The following ERN2 variants were observed in gnomAD, a reference collection of about 807,000 sequenced individuals.
ERN2 encodes serine/threonine-protein kinase/endoribonuclease IRE2.
A neutral mutation model predicts 107.9 loss-of-function variants in ERN2; 111 were observed. The observed-to-expected ratio is 1.03, with a 90% CI of 0.88 to 1.20. ERN2 has a LOEUF of 1.20. ERN2 is among the 50% of genes most tolerant of loss of function. The pLI, the probability that ERN2 is intolerant of heterozygous loss-of-function variation, is 0.00. For synonymous variants in ERN2, 524 were observed against 501.7 expected, an observed-to-expected ratio of 1.04 and a Z score of -0.59; for missense variants, 1,225 against 1,197.9, an observed-to-expected ratio of 1.02 and a Z score of -0.33.
chr16:23,709,935 G>A, intron 4 of ERN2: 3 of 492,626 alleles, frequency 6.1e-6, no homozygotes, highest in Non-Finnish European at 1.1e-5. Flanking sequence ...CAGAGTCCTG[G>A]AGAAGGCCCT....
In ERN2 at chr16:23,710,424, T is replaced by C. The variant is rs987376145; in HGVS notation, c.233+92A>G. 59 of 1,391,540 alleles carry C rather than the reference T, an allele frequency of 4.2e-5. No homozygotes were observed. In the African/African-American group the frequency reaches 8.1e-4, roughly 19 times the overall value. The allele number at this position is 1,391,540 out of a possible 1,614,324, so 86.2% of individuals were successfully genotyped here. A position where few individuals can be genotyped will look rare whatever the true frequency, so the allele number is the denominator to read the frequency against. ...CAATTCTCTTCCCTTACTTCCAACA[T>C]GTCCCTGCCCCACATACAAACTCTC... On this transcript the variant is annotated intron_variant, in intron 3 of 21. Transcript: ENST00000256797.
Position 23,706,389 on chromosome 16 carries a change from C to A in ERN2, c.530G>T (p.Arg177Leu). ...TMHDPRAPAL[R>L]WNTTYRRYSA... is the part of the protein sequence containing the mutation. The stretch of plus-strand genomic sequence containing the variant: ...GTAGCGGCGGTAGGTGGTGTTCCAG[C>A]GCAGGGCTGGGGCTCTTGGGTCATG... The change falls in exon 7 of 22, where the codon CGC becomes CTC. Residue 177 changes from arginine to leucine, a missense_variant. Transcript: ENST00000256797. 3.8e-6 allele frequency: 6 copies of A among 1,573,998 alleles called. No individual in the cohort carries two copies. Among genetic ancestry groups the A allele is most frequent in the Non-Finnish European group, 3.4e-6 (4 of 1,159,746 alleles).
At chr16:23,694,169 G>T (rs1959708690) in intron 17 of ERN2, among the ~76,000 whole-genome samples, 1 of 152,094 alleles carries the variant, frequency 6.6e-6, no homozygotes, top group Non-Finnish European at 1.5e-5. Flanking sequence ...TAAATTGTGT[G>T]TGCTTTTGGT....
rs1282617180 is a variant in ERN2, at chr16:23,692,069, A to G, written c.2270T>C (p.Leu757Pro). ...CAGTGGGCTCAACATGGCTCCAACC[A>G]GGTCCCGGGCAACCACCTTGTCTGG... The part of the protein sequence containing the change: ...EVHDKVVARD[L>P]VGAMLSPLPQ... The change falls in exon 19 of 22, where the codon CTG becomes CCG. Residue 757 changes from leucine to proline, a missense_variant. Leu to Pro is a moderately conservative substitution (Grantham distance 98). Coordinates refer to ENST00000256797, the MANE Select transcript of ERN2 (RefSeq NM_033266.4). The G allele has an allele frequency of 1.9e-6, 3 of 1,613,686 alleles. No individual in the cohort carries two copies. Among genetic ancestry groups the G allele is most frequent in the South Asian group, 2.2e-5 (2 of 91,088 alleles).
rs1192170237 is a variant in ERN2 at position 23,706,334 on chromosome 16, C to T, written c.585G>A (p.Gly195=). 4 of 1,527,066 alleles carry T rather than the reference C, an allele frequency of 2.6e-6. No individual in the cohort carries two copies. Among genetic ancestry groups the T allele is most frequent in the African/African-American group, 1.4e-5 (1 of 71,844 alleles). The allele number at this position is 1,527,066 out of a possible 1,614,324, so 94.6% of individuals were successfully genotyped here. A position where few individuals can be genotyped will look rare whatever the true frequency, so the allele number is the denominator to read the frequency against. Residue 195 remains glycine (G), a synonymous_variant, in exon 7 of 22, where the codon GGG becomes GGA. Coordinates refer to ENST00000256797, the MANE Select transcript of ERN2 (RefSeq NM_033266.4). ...CCAGAGAAAGGTGGAACTCACATTT[C>T]CCAGGTGAGCCATCCATGGGGGGCG... is the stretch of plus-strand genomic sequence containing the variant. ...YSAPPMDGSP[G]KYMSHLASCG... is the part of the protein sequence containing the mutation.
intron 8 of ERN2, 72 bp downstream of exon 8, chr16:23,704,811 G>T (rs1364409278): frequency 1.3e-6 from 2 of 1,503,494 alleles, no homozygotes; most frequent in South Asian, 1.2e-5. Flanking sequence ...TGAACATCTC[G>T]CCTGGCCATC....
intron 13 of ERN2, 76 bp from the exon 14 acceptor site, chr16:23,696,054 T>C (rs1176193253): frequency 8.8e-7 from 1 of 1,132,142 alleles, no homozygotes; most frequent in Non-Finnish European, 1.3e-6. Flanking sequence ...CAGACTCACC[T>C]TGACATTTTC....
In ERN2 at chr16:23,713,162, C is replaced by T; in HGVS notation, c.26G>A (p.Arg9Lys). The part of the protein sequence containing the change: MASAVRGS[R>K]PWPRLGLQLQ... ...CTGGAGCCCCAGCCGGGGCCACGGC[C>T]TCGACCCCCTGACCGCACTCGCCAT... is the stretch of plus-strand genomic sequence containing the variant. The change falls in exon 1 of 22, where the codon AGG (arginine) becomes AAG (lysine). Residue 9 changes from arginine to lysine, a missense_variant. Coordinates refer to ENST00000256797, the MANE Select transcript of ERN2 (RefSeq NM_033266.4). The T allele has an allele frequency of 6.4e-7, 1 of 1,574,504 alleles. No individual in the cohort carries two copies. Among genetic ancestry groups the T allele is most frequent in the Non-Finnish European group, 8.6e-7 (1 of 1,166,240 alleles).
At position 23,692,256 on chromosome 16, in the gene ERN2, C is replaced by T. The variant is rs1959629011; in HGVS notation, c.2176G>A (p.Asp726Asn). 18 of 1,614,078 alleles carry T rather than the reference C, an allele frequency of 1.1e-5. No individual in the cohort carries two copies. Among genetic ancestry groups the T allele is most frequent in the Non-Finnish European group, 1.5e-5 (18 of 1,180,038 alleles). ...ATGTTTGCCTGGCGATAAAGACTGT[C>T]TCCAAAGGGGTGGCTGCCACCAGAA... ...VLSGGSHPFG[D>N]SLYRQANILT... is the part of the protein sequence containing the mutation. The change falls in exon 18 of 22, where the codon GAC (aspartate) becomes AAC (asparagine). Residue 726 changes from aspartate to asparagine, a missense_variant. Physicochemically the swap from Asp to Asn is conservative, Grantham distance 23. Coordinates refer to ENST00000256797, the MANE Select transcript of ERN2 (RefSeq NM_033266.4).
intron 4 of ERN2, chr16:23,709,800 T>C (rs896582082): frequency 3.5e-5 from 7 of 199,502 alleles, no homozygotes; most frequent in African/African-American, 1.4e-4. Flanking sequence ...CCAACCTAAA[T>C]TGTCATCTCA....
intron 1 of ERN2, chr16:23,712,391 G>C: frequency 5.6e-6 from 1 of 179,714 alleles, no homozygotes; most frequent in South Asian, 8.7e-5. Flanking sequence ...AGAGACATCC[G>C]ATCTGGCCAC....
rs1040256521 is a variant in ERN2 at position 23,695,078 on chromosome 16, G to T, written c.1841C>A (p.Pro614His). The T allele has an allele frequency of 6.2e-7, 1 of 1,613,754 alleles. No homozygotes were observed. The highest frequency in any genetic ancestry group is 1.3e-5 in the African/African-American group (1 of 74,858). ...CATCAGCTGCTGCAGCACGACCTCG[G>T]GCTCCAGACCCCCGCGATCCAGGTC... is the stretch of plus-strand genomic sequence containing the variant. The part of the protein sequence containing the change: ...NPDLDRGGLE[P>H]EVVLQQLMSG... Residue 614 changes from proline to histidine, a missense_variant, in exon 16 of 22, where the codon CCC becomes CAC. Physicochemically the swap from Pro to His is moderately conservative, Grantham distance 77. Coordinates refer to ENST00000256797, the MANE Select transcript of ERN2 (RefSeq NM_033266.4).
Position 23,702,219 on chromosome 16 carries a change from G to A in ERN2, c.1136C>T (p.Thr379Ile), listed in dbSNP as rs761875218. ...TGTCTCTGCAGTTCCACTCCCCAGGGTGGGATGGACCCTCAGCATGGTGGT... is the reference window on the plus strand; with the variant it reads ...TGTCTCTGCAGTTCCACTCCCCAGGATGGGATGGACCCTCAGCATGGTGGT... Reference protein sequence around the residue: ...LHTTMLRVHPTLGSGTAETRP... With the variant: ...LHTTMLRVHPILGSGTAETRP... The change falls in exon 11 of 22, where the codon ACC (threonine) becomes ATC (isoleucine). Residue 379 changes from threonine to isoleucine, a missense_variant. Transcript: ENST00000256797. 11 of 1,614,050 alleles carry A rather than the reference G, an allele frequency of 6.8e-6. No individual in the cohort carries two copies. Among genetic ancestry groups the A allele is most frequent in the East Asian group, 2.2e-5 (1 of 44,888 alleles).
intron 4 of ERN2, among the ~76,000 whole-genome samples, chr16:23,707,819 G>A (rs559971443): frequency 6.6e-6 from 1 of 152,288 alleles, no homozygotes; most frequent in South Asian, 2.1e-4. Flanking sequence ...TTTCAAAACT[G>A]TCAACAGCCA....
At chr16:23,707,281 C>G (rs1446942928) in intron 4 of ERN2, 1 of 581,338 alleles carries the variant, frequency 1.7e-6, no homozygotes, top group Non-Finnish European at 3.1e-6. Context: ...TGGCCTTGAA[C>G]CCAGGCAGTC....
In ERN2 at chr16:23,692,332, C is replaced by G. The variant is rs370339569; in HGVS notation, c.2101-1G>C. The G allele has an allele frequency of 1.3e-5, 21 of 1,612,156 alleles. No homozygotes were observed. Among genetic ancestry groups the G allele is most frequent in the Non-Finnish European group, 1.7e-5 (20 of 1,180,006 alleles). On this transcript the variant is annotated splice_acceptor_variant, in intron 17 of 21. Transcript: ENST00000256797. LOFTEE classifies it high-confidence loss of function. ...CAGAGAAGATGTCCACAGCGCTGGTCTGGAGCCAGAGAGATGGGCATGAGA... is the reference window on the plus strand; with the variant it reads ...CAGAGAAGATGTCCACAGCGCTGGTGTGGAGCCAGAGAGATGGGCATGAGA...
Position 23,695,881 on chromosome 16 carries a change from G to GGCT in ERN2, c.1610+10_1610+12dup. On this transcript the variant is annotated intron_variant, in intron 14 of 21. Coordinates refer to ENST00000256797, the MANE Select transcript of ERN2 (RefSeq NM_033266.4). ...GTGCCATGTCCCCAGCTTGGCTCCTGGCTGCCACTCACCGGAAAACGAAAG... is the reference window on the plus strand; with the variant it reads ...GTGCCATGTCCCCAGCTTGGCTCCTGGCTGCTGCCACTCACCGGAAAACGAAAG... 6.2e-7 allele frequency: 1 copy of GGCT among 1,610,678 alleles called. No individual in the cohort carries two copies. Among genetic ancestry groups the GGCT allele is most frequent in the South Asian group, 1.1e-5 (1 of 90,932 alleles).
chr16:23,709,525 G>A (rs954583196), intron 4 of ERN2: 3 of 223,374 alleles, frequency 1.3e-5, no homozygotes, highest in Non-Finnish European at 2.7e-5. Flanking sequence ...ACCTGCTTTG[G>A]CTGATGAGCC....
chr16:23,710,589 A>C lies in ERN2; in HGVS notation c.200-40T>G, dbSNP rs764095828. Reference sequence around the variant, plus strand: ...ACACAGAACATAAGCAGTTTCCTCCAGACCCCACTGAAAAGCACAGCTCAT... The same window carrying C: ...ACACAGAACATAAGCAGTTTCCTCCCGACCCCACTGAAAAGCACAGCTCAT... On this transcript the variant is annotated intron_variant, in intron 2 of 21. Transcript: ENST00000256797. 7.4e-6 allele frequency: 12 copies of C among 1,611,258 alleles called. No individual in the cohort carries two copies. The African/African-American group carries it at 1.6e-4, about 22-fold the overall frequency.
Sources: gnomAD v4.1 joint callset for allele counts (sites outside exome capture counted in the v4.1 genomes callset) on GRCh38, gnomAD v4.1.1 for gene constraint, MANE v1.5 for transcripts, NCBI Gene and HGNC (gene_info 2026-07-23, HGNC 2026-07-21) for gene names.